Variants in CEP290 observed in about 807,000 individuals in gnomAD.
CEP290 encodes the protein centrosomal protein 290.
Under a neutral mutation model 344.9 loss-of-function variants are expected in CEP290, and 317 were observed. That is an observed-to-expected ratio of 0.92 (90% CI 0.84 to 1.01). The LOEUF (loss-of-function observed/expected upper bound fraction) is 1.01. CEP290 is among the 50% of genes least tolerant of loss of function. The pLI, the probability that CEP290 is intolerant of heterozygous loss-of-function variation, is 0.00. For synonymous variants in CEP290, 932 were observed against 895.8 expected (o/e 1.04, Z -0.72); for missense variants, 2,754 against 2,761.4 (o/e 1.00, Z 0.06).
At chr12:88,119,818 A>T (rs1234746372) in intron 15 of CEP290, among the ~76,000 whole-genome samples, 3 of 152,102 alleles carry the variant, frequency 2.0e-5, no homozygotes, top group Non-Finnish European at 4.4e-5. Flanking sequence ...AAAAAGGTTA[A>T]TCTCTGATAT....
rs189871589 is a variant in CEP290 at position 88,084,595 on chromosome 12, T to C, written c.4695A>G (p.Lys1565=). The C allele has an allele frequency of 5.2e-5, 84 of 1,609,496 alleles. 1 individual carries two copies. The East Asian group carries it at 1.8e-3, about 34-fold the overall frequency. ...TAATATAATAAAATACCTCTCTGGC[T>C]TTTTCTAGAAGACGTTGATACTTCT... ...VLKKYQRLLE[K]AREEQREIVK... is the part of the protein sequence containing the mutation. Residue 1565 remains lysine (K), a synonymous_variant, in exon 35 of 54, where the codon AAA becomes AAG. Coordinates refer to ENST00000552810, the MANE Select transcript of CEP290 (RefSeq NM_025114.4).
In CEP290 at chr12:88,091,995, C is replaced by A. The variant is rs568722469; in HGVS notation, c.3461+686G>T. Among the ~76,000 whole-genome samples, 153 of 152,224 alleles carry A rather than the reference C, an allele frequency of 1.0e-3. 2 individuals are homozygous for A. Among genetic ancestry groups the A allele is most frequent in the Non-Finnish European group, 1.6e-3 (111 of 68,010 alleles). On this transcript the variant is annotated intron_variant, in intron 29 of 53. Coordinates refer to ENST00000552810, the MANE Select transcript of CEP290 (RefSeq NM_025114.4). ...TGGCGCGATCTCGGCTCACTGCAAC[C>A]TCCACCTCCCGGGATCAAGCGATTC... is the stretch of plus-strand genomic sequence containing the variant.
At chr12:88,052,633 A>G (rs1196952509) in intron 52 of CEP290, among the ~76,000 whole-genome samples, 1 of 151,494 alleles carries the variant, frequency 6.6e-6, no homozygotes, top group Non-Finnish European at 1.5e-5. Context: ...ACATGCATAT[A>G]TATACATACA....
chr12:88,139,658 T>G, intron 3 of CEP290, 94 bp from the exon 4 acceptor site: 1 of 899,200 alleles, frequency 1.1e-6, no homozygotes. Context: ...TGATCCTTAG[T>G]GCCAGCAATG....
chr12:88,136,522 G>A (rs1192789985), intron 6 of CEP290, 121 bp downstream of exon 6: 2 of 961,912 alleles, frequency 2.1e-6, no homozygotes, highest in Non-Finnish European at 3.2e-6. Context: ...AAACCTTAGA[G>A]ATAAGTGTAC....
chr12:88,082,909 A>T (rs2036297259), intron 37 of CEP290, 122 bp downstream of exon 37: 2 of 592,750 alleles, frequency 3.4e-6, no homozygotes, highest in Non-Finnish European at 5.6e-6. Flanking sequence ...AGTCCTGAGG[A>T]TAAAAATGAG....
At chr12:88,089,703 A>T (rs943010829) in intron 30 of CEP290, among the ~76,000 whole-genome samples, 4 of 151,966 alleles carry the variant, frequency 2.6e-5, no homozygotes, top group South Asian at 4.2e-4. Context: ...ATGTAACTGA[A>T]TAACAGTGGG....
chr12:88,063,232 G>A lies in CEP290; in HGVS notation c.6271-454C>T, dbSNP rs141128967. Reference sequence around the variant, plus strand: ...AATAAAGTGTGAGAAGCAAGACATAGCTTAACTATATCATTACCAGTGGAA... The same window carrying A: ...AATAAAGTGTGAGAAGCAAGACATAACTTAACTATATCATTACCAGTGGAA... On this transcript the variant is annotated intron_variant, in intron 45 of 53. Coordinates refer to ENST00000552810, the MANE Select transcript of CEP290 (RefSeq NM_025114.4). Among the ~76,000 whole-genome samples, 420 of 150,062 alleles carry A rather than the reference G, an allele frequency of 2.8e-3. 4 individuals are homozygous for A. The highest frequency in any genetic ancestry group is 9.8e-3 in the African/African-American group (403 of 41,014).
chr12:88,061,782 T>C (rs894733449), intron 46 of CEP290, among the ~76,000 whole-genome samples: 2 of 152,082 alleles, frequency 1.3e-5, no homozygotes, highest in African/African-American at 4.8e-5. Flanking sequence ...TTTTCCTTTT[T>C]TTTTTTTGTT....
rs2039668817 is a variant in CEP290, at chr12:88,125,385, A to G, written c.1066-16T>C. ...CCTGTATACCCTATAAAATATTTTA[A>G]AACAATATATATCCCTTCATGAATA... On this transcript the variant is annotated splice_polypyrimidine_tract_variant and intron_variant, in intron 12 of 53. Coordinates refer to ENST00000552810, the MANE Select transcript of CEP290 (RefSeq NM_025114.4). 8.1e-7 allele frequency: 1 copy of G among 1,227,052 alleles called. No individual in the cohort carries two copies. Among genetic ancestry groups the G allele is most frequent in the Non-Finnish European group, 1.1e-6 (1 of 948,722 alleles). 76.0% of individuals were successfully genotyped at this position (1,227,052 alleles called of 1,614,324 possible).
In CEP290 at chr12:88,115,185, G is replaced by A; in HGVS notation, c.1825-3C>T. ...AGTTCTCTTGAAAGAAATTCATTCTGAAAAAAGCAGAGAGAATAAAATTGA... is the reference window on the plus strand; with the variant it reads ...AGTTCTCTTGAAAGAAATTCATTCTAAAAAAAGCAGAGAGAATAAAATTGA... On this transcript the variant is annotated splice_polypyrimidine_tract_variant and splice_region_variant and intron_variant, in intron 18 of 53. Transcript: ENST00000552810. 1 of 1,368,230 alleles carries A rather than the reference G, an allele frequency of 7.3e-7. No individual in the cohort carries two copies. Among genetic ancestry groups the A allele is most frequent in the Non-Finnish European group, 1.0e-6 (1 of 989,838 alleles). 84.8% of individuals were successfully genotyped at this position (1,368,230 alleles called of 1,614,324 possible).
At chr12:88,133,701 T>G (rs1184533962) in intron 6 of CEP290, among the ~76,000 whole-genome samples, 2 of 152,146 alleles carry the variant, frequency 1.3e-5, no homozygotes, top group Non-Finnish European at 2.9e-5. Flanking sequence ...ACAATCTTTA[T>G]GAAGATATGA....
intron 34 of CEP290, among the ~76,000 whole-genome samples, chr12:88,085,756 A>G (rs1314167646): frequency 1.3e-5 from 2 of 152,148 alleles, no homozygotes; most frequent in Admixed American, 6.5e-5. Context: ...AAGAGATCAT[A>G]TAAGAGAATA....
chr12:88,123,000 C>G (rs1272407354), intron 13 of CEP290, among the ~76,000 whole-genome samples: 1 of 152,072 alleles, frequency 6.6e-6, no homozygotes, highest in African/African-American at 2.4e-5. Flanking sequence ...TTTAGAACTT[C>G]CACAAATTCC....
intron 5 of CEP290, among the ~76,000 whole-genome samples, chr12:88,137,694 C>T (rs74747196): frequency 0.031 from 4,789 of 152,262 alleles, 107 homozygotes; most frequent in African/African-American, 0.062. Flanking sequence ...GGCTTAGCTG[C>T]AATTTGGATC....
chr12:88,055,498 T>A lies in CEP290; in HGVS notation c.6960+78A>T, dbSNP rs185788299. ...GTCTTCTTAATAGAGTCCATTTTTATCTATATAAGACAATGCAAGGAACAT... is the reference window on the plus strand; with the variant it reads ...GTCTTCTTAATAGAGTCCATTTTTAACTATATAAGACAATGCAAGGAACAT... On this transcript the variant is annotated intron_variant, in intron 50 of 53. Transcript: ENST00000552810. 1.9e-3 allele frequency: 2,341 copies of A among 1,253,598 alleles called. 6 individuals are homozygous for A. Among genetic ancestry groups the A allele is most frequent in the Non-Finnish European group, 2.2e-3 (2,083 of 940,962 alleles). 77.7% of individuals were successfully genotyped at this position (1,253,598 alleles called of 1,614,324 possible). A position where few individuals can be genotyped will look rare whatever the true frequency, so the allele number is the denominator to read the frequency against.
chr12:88,121,505 T>A (rs986258773), intron 13 of CEP290, among the ~76,000 whole-genome samples: 1 of 151,962 alleles, frequency 6.6e-6, no homozygotes, highest in Non-Finnish European at 1.5e-5. Flanking sequence ...ATTTTTAGCT[T>A]GACACGTGGC....
At position 88,092,826 on chromosome 12, in the gene CEP290, T is replaced by C. The variant is rs1205714751; in HGVS notation, c.3316A>G (p.Lys1106Glu). 2.5e-6 allele frequency: 4 copies of C among 1,609,680 alleles called. No individual in the cohort carries two copies. The highest frequency in any genetic ancestry group is 3.4e-6 in the Non-Finnish European group (4 of 1,178,656). Residue 1106 changes from lysine (K) to glutamate (E), a missense_variant, in exon 29 of 54, where the codon AAA becomes GAA. Coordinates refer to ENST00000552810, the MANE Select transcript of CEP290 (RefSeq NM_025114.4). ...ELETKFAELTKINLDAQKVEQ... is the reference protein window; with the variant it reads ...ELETKFAELTEINLDAQKVEQ... ...ACCTTCTGTGCATCCAAATTGATTT[T>C]GGTAAGCTAAGGAAATGTAACAAAA...
At chr12:88,083,771 A>G (rs1431679588) in intron 36 of CEP290, 76 bp downstream of exon 36, 4 of 964,612 alleles carry the variant, frequency 4.1e-6, no homozygotes, top group Non-Finnish European at 6.3e-6. Context: ...CCATTCCAAA[A>G]AAGAAGAGAG....
Sources: gnomAD v4.1 joint callset for allele counts (sites outside exome capture counted in the v4.1 genomes callset) on GRCh38, gnomAD v4.1.1 for gene constraint, MANE v1.5 for transcripts, NCBI Gene and HGNC (gene_info 2026-07-23, HGNC 2026-07-21) for gene names.